PRKX: variants seen among roughly 807,000 people sequenced by gnomAD.
PRKX encodes the protein cAMP-dependent protein kinase catalytic subunit PRKX.
In PRKX, 12 loss-of-function variants were observed where a neutral mutation model predicts 22.0. The ratio of observed to expected loss-of-function variants is 0.54; its 90% CI spans 0.35 to 0.88. The LOEUF is 0.88. PRKX is among the 40% of genes least tolerant of loss of function. The pLI, the probability that PRKX is intolerant of heterozygous loss-of-function variation, is 0.01. For synonymous variants in PRKX, 134 were observed against 137.7 expected, an observed-to-expected ratio of 0.97 and a Z score of 0.19; for missense variants, 217 against 308.0, an observed-to-expected ratio of 0.70 and a Z score of 2.21.
intron 1 of PRKX, 79 bp from the exon 2 acceptor site, chrX:3,674,845 G>A: frequency 1.9e-5 from 21 of 1,115,214 alleles, no homozygotes; most frequent in Non-Finnish European, 2.6e-5. Flanking sequence ...CAATCAGCGG[G>A]GGGCTGCACC....
intron 4 of PRKX, among the ~76,000 whole-genome samples, chrX:3,634,454 G>C (rs1411577032): frequency 1.8e-5 from 2 of 109,046 alleles, no homozygotes; most frequent in African/African-American, 6.7e-5. Flanking sequence ...TCACAGCAGT[G>C]GCCCTCAAAG....
In PRKX at chrX:3,655,315, A is replaced by G. The variant is rs768056113; in HGVS notation, c.433T>C (p.Ser145Pro). Residue 145 changes from serine (S) to proline (P), a missense_variant, in exon 3 of 9, where the codon TCC becomes CCC. Ser to Pro is a moderately conservative substitution (Grantham distance 74, BLOSUM62 -1). Coordinates refer to ENST00000262848, the MANE Select transcript of PRKX (RefSeq NM_005044.5). ...FSYLRNRGRF[S>P]STTGLFYSAE... ...GAGTAGAAGAGCCCCGTGGTGCTGG[A>G]GAAGCGCCCCCGGTTGCGCAGGTAG... 86 of 1,210,655 alleles carry G rather than the reference A, an allele frequency of 7.1e-5. No homozygotes were observed. Among genetic ancestry groups the G allele is most frequent in the Non-Finnish European group, 9.5e-5 (85 of 895,401 alleles).
At chrX:3,634,860 G>A (rs1926855595) in intron 4 of PRKX, among the ~76,000 whole-genome samples, 2 of 110,746 alleles carry the variant, frequency 1.8e-5, no homozygotes, top group Non-Finnish European at 3.8e-5. Flanking sequence ...CAGCTAATTG[G>A]TTTATTTATT....
intron 4 of PRKX, among the ~76,000 whole-genome samples, chrX:3,631,806 G>C (rs1189073157): frequency 1.8e-5 from 2 of 112,734 alleles, no homozygotes; most frequent in Admixed American, 9.4e-5. Context: ...CAGGAACTGG[G>C]AGAGGCAGAA....
At chrX:3,710,259 G>A (rs779039844) in intron 1 of PRKX, among the ~76,000 whole-genome samples, 2 of 111,568 alleles carry the variant, frequency 1.8e-5, no homozygotes, top group East Asian at 2.8e-4. Flanking sequence ...TAGACCAGAC[G>A]TACTCCAGAA....
At chrX:3,654,913 C>T (rs1927446737) in intron 3 of PRKX, among the ~76,000 whole-genome samples, 1 of 111,252 alleles carries the variant, frequency 9.0e-6, no homozygotes, top group Non-Finnish European at 1.9e-5. Context: ...TGATTTCCTC[C>T]ACGGTGCCAG....
At chrX:3,693,540 G>A (rs887308678) in intron 1 of PRKX, among the ~76,000 whole-genome samples, 1 of 111,083 alleles carries the variant, frequency 9.0e-6, no homozygotes, top group African/African-American at 3.3e-5. Flanking sequence ...GTTTAACCCA[G>A]GGGATGTATT....
At chrX:3,685,543 C>G (rs1260104347) in intron 1 of PRKX, among the ~76,000 whole-genome samples, 1 of 110,992 alleles carries the variant, frequency 9.0e-6, no homozygotes, top group African/African-American at 3.3e-5. Flanking sequence ...GAATAATAAA[C>G]GTAGTAAATG....
intron 4 of PRKX, among the ~76,000 whole-genome samples, chrX:3,629,380 G>C (rs1926722655): frequency 1.8e-5 from 2 of 108,993 alleles, no homozygotes; most frequent in African/African-American, 3.3e-5. Flanking sequence ...TGAGCAGCTG[G>C]GGCTACAGGT....
intron 1 of PRKX, among the ~76,000 whole-genome samples, chrX:3,677,072 C>T (rs1413573739): frequency 9.0e-6 from 1 of 110,947 alleles, no homozygotes; most frequent in African/African-American, 3.3e-5. Context: ...AATAGTCAAA[C>T]TCATAGAAGC....
intron 4 of PRKX, among the ~76,000 whole-genome samples, chrX:3,640,223 C>T (rs1340660406): frequency 3.7e-5 from 4 of 109,553 alleles, no homozygotes; most frequent in Admixed American, 9.9e-5. Flanking sequence ...GGCAGAGTGT[C>T]GGCTGTGGCA....
chrX:3,664,625 G>A (rs1266152818), intron 2 of PRKX, among the ~76,000 whole-genome samples: 1 of 111,830 alleles, frequency 8.9e-6, no homozygotes, highest in Non-Finnish European at 1.9e-5. Flanking sequence ...GTAGTATATC[G>A]ACACCACCAT....
At chrX:3,650,879 TAA>T (rs57311083) in intron 3 of PRKX, among the ~76,000 whole-genome samples, 15 of 82,018 alleles carry the variant, frequency 1.8e-4, no homozygotes, top group South Asian at 5.5e-4. Flanking sequence ...ACCCTGTCTT[TAA>T]AAAAAAAAAA....
At chrX:3,696,915 G>A (rs1928453819) in intron 1 of PRKX, among the ~76,000 whole-genome samples, 1 of 112,266 alleles carries the variant, frequency 8.9e-6, no homozygotes, top group Admixed American at 9.5e-5. Context: ...ACCTACTTGA[G>A]AGGCTGAGGC....
intron 4 of PRKX, among the ~76,000 whole-genome samples, chrX:3,638,537 A>T (rs1926944283): frequency 9.0e-6 from 1 of 111,726 alleles, no homozygotes; most frequent in Non-Finnish European, 1.9e-5. Flanking sequence ...CAATATGCCT[A>T]AGTTATTTTT....
In PRKX at chrX:3,655,432, A is replaced by G; in HGVS notation, c.336-20T>C. 1 of 1,211,437 alleles carries G rather than the reference A, an allele frequency of 8.3e-7. No individual in the cohort carries two copies. The highest frequency in any genetic ancestry group is 1.1e-6 in the Non-Finnish European group (1 of 895,248). On this transcript the variant is annotated intron_variant, in intron 2 of 8. Transcript: ENST00000262848. ...CAGAACCTGCGGGGACAGACAGCAC[A>G]TGCTCAGGGCCCCGCCAAGGCAGGG...
At chrX:3,711,495 C>T (rs7059087) in intron 1 of PRKX, among the ~76,000 whole-genome samples, 1 of 112,182 alleles carries the variant, frequency 8.9e-6, no homozygotes, top group Admixed American at 9.4e-5. Context: ...CTCTCTGCCC[C>T]GGCCTCCAGC....
In PRKX at chrX:3,689,840, G is replaced by A. The variant is rs961086703; in HGVS notation, c.167-15074C>T. Among the ~76,000 whole-genome samples, 23 of 111,484 alleles carry A rather than the reference G, an allele frequency of 2.1e-4. 1 individual carries two copies. Among genetic ancestry groups the A allele is most frequent in the Non-Finnish European group, 4.1e-4 (22 of 53,082 alleles). ...AAAATACAAAAAATTAGCCGAGTGTGGTGGCGGAAGCCTGTAGTCCCAGCT... is the reference window on the plus strand; with the variant it reads ...AAAATACAAAAAATTAGCCGAGTGTAGTGGCGGAAGCCTGTAGTCCCAGCT... On this transcript the variant is annotated intron_variant, in intron 1 of 8. Coordinates refer to ENST00000262848, the MANE Select transcript of PRKX (RefSeq NM_005044.5).
At chrX:3,622,606 C>T (rs1926580680) in intron 5 of PRKX, among the ~76,000 whole-genome samples, 2 of 110,979 alleles carry the variant, frequency 1.8e-5, no homozygotes, top group Admixed American at 9.7e-5. Flanking sequence ...AGTTTCCTGC[C>T]ACCATGCTTT....
Sources: allele counts gnomAD v4.1 joint callset (sites outside exome capture counted in the v4.1 genomes callset), GRCh38; gene constraint gnomAD v4.1.1; transcripts MANE v1.5; gene names NCBI Gene and HGNC (gene_info 2026-07-23, HGNC 2026-07-21).